KCNIP2: variants seen among roughly 807,000 people sequenced by gnomAD.
KCNIP2 encodes potassium voltage-gated channel interacting protein 2.
A neutral mutation model predicts 39.0 loss-of-function variants in KCNIP2; 19 were observed. That is an observed-to-expected ratio of 0.49 (90% CI 0.34 to 0.71). The LOEUF (loss-of-function observed/expected upper bound fraction) is 0.71. KCNIP2 is among the 30% of genes least tolerant of loss of function. The pLI, the probability that KCNIP2 is intolerant of heterozygous loss-of-function variation, is 0.01. For synonymous variants in KCNIP2, 111 were observed against 131.2 expected, an observed-to-expected ratio of 0.85 and a Z score of 1.05; for missense variants, 261 against 346.0, an observed-to-expected ratio of 0.75 and a Z score of 1.95.
rs752855247 is a variant in KCNIP2, at chr10:101,828,828, CAT to C, written c.349-134_349-133del. 2.0e-5 allele frequency: 32 copies of C among 1,579,682 alleles called. No individual in the cohort carries two copies. Among genetic ancestry groups the C allele is most frequent in the Non-Finnish European group, 2.8e-5 (32 of 1,162,496 alleles). On this transcript the variant is annotated intron_variant, in intron 4 of 9. Transcript: ENST00000356640. The surrounding 1 kb of genome is among the most constrained non-coding windows in gnomAD (Gnocchi z 6.6). ...CCTCCAGAGGACTCACCACGTGGCTCATGTGATGGGAGGGAAGACTTCTTTCC... is the reference window on the plus strand; with the variant it reads ...CCTCCAGAGGACTCACCACGTGGCTCGTGATGGGAGGGAAGACTTCTTTCC...
At position 101,843,459 on chromosome 10, in the gene KCNIP2, C is replaced by A; in HGVS notation, c.73+37G>T. 1 of 1,396,784 alleles carries A rather than the reference C, an allele frequency of 7.2e-7. No homozygotes were observed. The highest frequency in any genetic ancestry group is 1.5e-5 in the African/African-American group (1 of 67,362). 86.5% of individuals were successfully genotyped at this position (1,396,784 alleles called of 1,614,324 possible). ...CGGAAGGGTCTGGAGGAATGGAATC[C>A]ACCCTCCCTCCCGCGACCCCCACGT... On this transcript the variant is annotated intron_variant, in intron 1 of 9. Transcript: ENST00000356640. The surrounding 1 kb of genome is among the most constrained non-coding windows in gnomAD (Gnocchi z 6.7).
chr10:101,830,438 T>A, intron 2 of KCNIP2: 1 of 1,292,564 alleles, frequency 7.7e-7, no homozygotes, highest in African/African-American at 1.5e-5. Context: ...CTAAGCCACA[T>A]ACAGACCCTC....
intron 1 of KCNIP2, among the ~76,000 whole-genome samples, 183 bp from the exon 2 acceptor site, chr10:101,831,350 G>A (rs1411475554): frequency 1.3e-5 from 2 of 152,202 alleles, no homozygotes; most frequent in Non-Finnish European, 2.9e-5. Flanking sequence ...AGTCCATAGA[G>A]GTGAGGCTCA....
intron 1 of KCNIP2, among the ~76,000 whole-genome samples, chr10:101,832,631 C>G (rs986839195): frequency 5.3e-5 from 8 of 152,068 alleles, no homozygotes; most frequent in Admixed American, 1.3e-4. Flanking sequence ...GTGGGCCAGG[C>G]AGGGGGATCG....
chr10:101,842,550 T>G (rs2135219353), intron 1 of KCNIP2, among the ~76,000 whole-genome samples: 1 of 152,320 alleles, frequency 6.6e-6, no homozygotes, highest in South Asian at 2.1e-4. Context: ...ATAATCTCAG[T>G]ACATGATTTG....
At chr10:101,830,476 A>G in intron 2 of KCNIP2, 1 of 1,273,170 alleles carries the variant, frequency 7.9e-7, no homozygotes, top group Non-Finnish European at 1.0e-6. Context: ...ACAGGCCGCC[A>G]CAGCTACACA....
intron 2 of KCNIP2, 28 bp downstream of exon 2, chr10:101,831,044 C>A: frequency 6.3e-7 from 1 of 1,593,382 alleles, no homozygotes; most frequent in Non-Finnish European, 8.6e-7. Context: ...TCGAGCCCCG[C>A]CCCCGGAAGC....
chr10:101,837,506 TA>T (rs2066199980), intron 1 of KCNIP2, among the ~76,000 whole-genome samples: 1 of 151,898 alleles, frequency 6.6e-6, no homozygotes. Flanking sequence ...CCGTCTCTAC[TA>T]AAAATACAAA....
chr10:101,841,774 T>C (rs1227100243), intron 1 of KCNIP2, among the ~76,000 whole-genome samples: 2 of 152,006 alleles, frequency 1.3e-5, no homozygotes, highest in East Asian at 1.9e-4. Flanking sequence ...AATAGCCAAG[T>C]GGGGAAGGGA....
chr10:101,839,012 G>C (rs1193246473), intron 1 of KCNIP2, among the ~76,000 whole-genome samples: 1 of 152,114 alleles, frequency 6.6e-6, no homozygotes, highest in Non-Finnish European at 1.5e-5. Context: ...TCACACCAAG[G>C]TACAACCTCA....
intron 1 of KCNIP2, among the ~76,000 whole-genome samples, chr10:101,840,166 G>T (rs1387037919): frequency 6.6e-6 from 1 of 151,770 alleles, no homozygotes; most frequent in African/African-American, 2.4e-5. Flanking sequence ...TTTGAGAAAA[G>T]AGCTGGATGG....
chr10:101,831,608 T>C (rs189942025), intron 1 of KCNIP2, among the ~76,000 whole-genome samples: 1 of 152,186 alleles, frequency 6.6e-6, no homozygotes, highest in Admixed American at 6.5e-5. Context: ...GACAGCTTGA[T>C]ATCCAGTAAC....
intron 4 of KCNIP2, 33 bp downstream of exon 4, chr10:101,829,042 C>T (rs774072705): frequency 1.9e-6 from 3 of 1,604,632 alleles, no homozygotes; most frequent in African/African-American, 2.7e-5. Context: ...TCCTGTCCCA[C>T]CCTCGCTGAG....
intron 1 of KCNIP2, among the ~76,000 whole-genome samples, chr10:101,837,414 T>G (rs2066196440): frequency 1.3e-5 from 2 of 152,188 alleles, no homozygotes; most frequent in South Asian, 4.1e-4. Flanking sequence ...CTCACGCCTA[T>G]AATCCCAGCA....
Position 101,843,638 on chromosome 10 carries a change from A to C in KCNIP2, c.-70T>G. On this transcript the variant is annotated 5_prime_UTR_variant, in exon 1 of 10. Transcript: ENST00000356640. The surrounding 1 kb of genome is among the most constrained non-coding windows in gnomAD (Gnocchi z 6.7). ...CGGGTGGCCGGGATAGGGCGCTCAC[A>C]CGGCGCCCCCTGGCGGCCTACTGTG... 2 of 884,432 alleles carry C rather than the reference A, an allele frequency of 2.3e-6. No individual in the cohort carries two copies. The highest frequency in any genetic ancestry group is 3.3e-6 in the Non-Finnish European group (2 of 614,372). 54.8% of individuals were successfully genotyped at this position (884,432 alleles called of 1,614,324 possible). A position where few individuals can be genotyped will look rare whatever the true frequency, so the allele number is the denominator to read the frequency against.
In KCNIP2 at chr10:101,827,959, A is replaced by G. The variant is rs2065803160; in HGVS notation, c.632T>C (p.Met211Thr). ...MLDIMKSIYD[M>T]MGKYTYPALR... ...TGCAGGGTACGTGTACTTGCCCATC[A>G]TGTCATAGATGGACTTCATGATGTC... Residue 211 changes from methionine (M) to threonine (T), a missense_variant, in exon 8 of 10, where the codon ATG becomes ACG. Transcript: ENST00000356640. The G allele has an allele frequency of 1.2e-6, 2 of 1,613,712 alleles. No homozygotes were observed. The highest frequency in any genetic ancestry group is 3.3e-5 in the Admixed American group (2 of 59,998).
chr10:101,827,767 C>T lies in KCNIP2; in HGVS notation c.703-16G>A. ...TGTCCATCTTCTGCAAGAAGGTGGTCAGGCAGGGAGAACAGGAGGGATGGC... is the reference window on the plus strand; with the variant it reads ...TGTCCATCTTCTGCAAGAAGGTGGTTAGGCAGGGAGAACAGGAGGGATGGC... On this transcript the variant is annotated splice_polypyrimidine_tract_variant and intron_variant, in intron 8 of 9. Transcript: ENST00000356640. The T allele has an allele frequency of 6.3e-7, 1 of 1,599,122 alleles. No individual in the cohort carries two copies. The highest frequency in any genetic ancestry group is 2.2e-5 in the East Asian group (1 of 44,786).
At chr10:101,841,818 G>T (rs2066346858) in intron 1 of KCNIP2, among the ~76,000 whole-genome samples, 1 of 152,238 alleles carries the variant, frequency 6.6e-6, no homozygotes, top group South Asian at 2.1e-4. Context: ...CATTAAAGCT[G>T]GAAGCAAACA....
In KCNIP2 at chr10:101,827,137, G is replaced by A. The variant is rs965976863; in HGVS notation, c.*216C>T. On this transcript the variant is annotated 3_prime_UTR_variant, in exon 10 of 10. Coordinates refer to ENST00000356640, the MANE Select transcript of KCNIP2 (RefSeq NM_173191.3). ...TCAGGCAGGAAGGGGGTGAGAGCTG[G>A]TGGGAGTTGGGAACACCCCCCGAGA... is the stretch of plus-strand genomic sequence containing the variant. The A allele has an allele frequency of 8.6e-7, 1 of 1,160,540 alleles. No individual in the cohort carries two copies. Among genetic ancestry groups the A allele is most frequent in the Non-Finnish European group, 1.1e-6 (1 of 906,244 alleles). 71.9% of individuals were successfully genotyped at this position (1,160,540 alleles called of 1,614,324 possible). A position where few individuals can be genotyped will look rare whatever the true frequency, so the allele number is the denominator to read the frequency against.
Sources: allele counts gnomAD v4.1 joint callset (sites outside exome capture counted in the v4.1 genomes callset), GRCh38; gene constraint gnomAD v4.1.1; non-coding constraint Gnocchi (gnomAD v3.1); transcripts MANE v1.5; gene names NCBI Gene and HGNC (gene_info 2026-07-23, HGNC 2026-07-21).